Variants in BZW1 observed in about 807,000 individuals in gnomAD.
The protein encoded by BZW1 is basic leucine zipper and W2 domains 1.
Under a neutral mutation model 54.1 loss-of-function variants are expected in BZW1, and 3 were observed. That is an observed-to-expected ratio of 0.06 (90% confidence interval 0.03 to 0.14). The LOEUF (loss-of-function observed/expected upper bound fraction) is 0.14. Ranked by LOEUF, BZW1 falls within the 10% of genes least tolerant of loss-of-function variation. BZW1 has a pLI of 1.00. For synonymous variants in BZW1, 152 were observed against 162.7 expected (o/e 0.93, Z 0.50); for missense variants, 206 against 491.7 (o/e 0.42, Z 5.50).
upstream of BZW1, chr2:200,811,610 G>C (rs1172376027): frequency 1.3e-5 from 2 of 152,148 alleles, no homozygotes; most frequent in Non-Finnish European, 2.9e-5. Flanking sequence ...CCAACTTCGA[G>C]ACCGGCGGGG....
chr2:200,822,133 T>C lies in BZW1; in HGVS notation c.1229-14T>C, dbSNP rs1004642303. The stretch of plus-strand genomic sequence containing the variant: ...TGATACATAATGTTTGACTGTTTTT[T>C]TCCCCTTTTCTAGAATCTGAATCTG... On this transcript the variant is annotated splice_polypyrimidine_tract_variant and intron_variant, in intron 11 of 11. Transcript: ENST00000409600. 5 of 1,601,840 alleles carry C rather than the reference T, an allele frequency of 3.1e-6. No individual in the cohort carries two copies. Among genetic ancestry groups the C allele is most frequent in the Non-Finnish European group, 4.3e-6 (5 of 1,172,910 alleles).
At chr2:200,812,423 G>A in intron 1 of BZW1, 1 of 1,283,782 alleles carries the variant, frequency 7.8e-7, no homozygotes, top group Non-Finnish European at 9.8e-7. Flanking sequence ...CGGGGCGCCT[G>A]GGGCCCCGGC....
chr2:200,824,033 T>G lies in BZW1; in HGVS notation c.*1855T>G, dbSNP rs899978769. 9 of 152,200 alleles carry G rather than the reference T, an allele frequency of 5.9e-5. No homozygotes were observed. Among genetic ancestry groups the G allele is most frequent in the African/African-American group, 2.2e-4 (9 of 41,460 alleles). 9.4% of individuals were successfully genotyped at this position (152,200 alleles called of 1,614,324 possible). A position where few individuals can be genotyped will look rare whatever the true frequency, so the allele number is the denominator to read the frequency against. On this transcript the variant is annotated 3_prime_UTR_variant, in exon 12 of 12. Transcript: ENST00000409600. ...ATTTCTACAACCAATTCATTGCATG[T>G]TTCTTCCATACAAAGTGTGCCATTT...
intron 6 of BZW1, 138 bp from the exon 7 acceptor site, chr2:200,817,836 C>T: frequency 1.7e-6 from 1 of 592,022 alleles, no homozygotes; most frequent in African/African-American, 1.9e-5. Context: ...AAACTGTGGC[C>T]CAGGAAAGTT....
At chr2:200,812,919 T>C in intron 1 of BZW1, 2 of 663,316 alleles carry the variant, frequency 3.0e-6, no homozygotes. Context: ...TGGAGAAAAC[T>C]GAACAATTAG....
At chr2:200,818,972 T>C (rs2881880) in intron 9 of BZW1, 71 bp downstream of exon 9, 1,011,033 of 1,472,278 alleles carry the variant, frequency 0.69, 353,507 homozygotes, top group Non-Finnish European at 0.73. Context: ...TGTGACTATA[T>C]TTTTCTAAGA....
chr2:200,822,089 A>G (rs1433662390), intron 11 of BZW1, 58 bp from the exon 12 acceptor site: 2 of 1,483,178 alleles, frequency 1.3e-6, no homozygotes, highest in Non-Finnish European at 1.9e-6. Context: ...CAAAGTTATA[A>G]ATGGGAACTT....
At chr2:200,813,387 A>T in intron 2 of BZW1, 106 bp downstream of exon 2, 1 of 998,784 alleles carries the variant, frequency 1.0e-6, no homozygotes, top group East Asian at 2.6e-5. Flanking sequence ...AAAAGAAGAT[A>T]CCAGAAAGAA....
In BZW1 at chr2:200,824,953, T is replaced by TA. The variant is rs2038653526; in HGVS notation, c.*2775_*2776insA. On this transcript the variant is annotated 3_prime_UTR_variant, in exon 12 of 12. Coordinates refer to ENST00000409600, the MANE Select transcript of BZW1 (RefSeq NM_001207067.2). ...TCCCAAAGTGCTGGGATTATGGGCTTGAGCCACCGCGCCCAGCTAGACTTT... is the reference window on the plus strand; with the variant it reads ...TCCCAAAGTGCTGGGATTATGGGCTTAGAGCCACCGCGCCCAGCTAGACTTT... The TA allele has an allele frequency of 1.3e-5, 2 of 152,262 alleles. No individual in the cohort carries two copies. The highest frequency in any genetic ancestry group is 1.3e-4 in the Admixed American group (2 of 15,284). The allele number at this position is 152,262 out of a possible 1,614,324, so 9.4% of individuals were successfully genotyped here.
chr2:200,819,224 A>C (rs533996533), intron 9 of BZW1: 34 of 241,382 alleles, frequency 1.4e-4, no homozygotes, highest in African/African-American at 7.5e-4. Context: ...CCTCATCTCT[A>C]CTAAAAATCA....
At position 200,822,365 on chromosome 2, in the gene BZW1, T is replaced by G. The variant is rs2038558906; in HGVS notation, c.*187T>G. The G allele has an allele frequency of 1.9e-6, 1 of 514,390 alleles. No homozygotes were observed. Among genetic ancestry groups the G allele is most frequent in the Admixed American group, 3.9e-5 (1 of 25,806 alleles). The allele number at this position is 514,390 out of a possible 1,614,324, so 31.9% of individuals were successfully genotyped here. A position where few individuals can be genotyped will look rare whatever the true frequency, so the allele number is the denominator to read the frequency against. Reference sequence around the variant, plus strand: ...GTTGGGTTTAGTTTCTAAAACCATGTTTTAAGTAGCTACAGGAGCTATAGA... The same window carrying G: ...GTTGGGTTTAGTTTCTAAAACCATGGTTTAAGTAGCTACAGGAGCTATAGA... On this transcript the variant is annotated 3_prime_UTR_variant, in exon 12 of 12. Transcript: ENST00000409600.
chr2:200,819,114 A>C lies in BZW1; in HGVS notation c.966+213A>C, dbSNP rs1032042923. Reference sequence around the variant, plus strand: ...TTAAAAACAAGAATATGGCCTGGCCAGGCACAATGGCTCACGCCTGTAAAC... The same window carrying C: ...TTAAAAACAAGAATATGGCCTGGCCCGGCACAATGGCTCACGCCTGTAAAC... On this transcript the variant is annotated intron_variant, in intron 9 of 11. Coordinates refer to ENST00000409600, the MANE Select transcript of BZW1 (RefSeq NM_001207067.2). 7.1e-6 allele frequency: 4 copies of C among 566,662 alleles called. No homozygotes were observed. In the African/African-American group the frequency reaches 8.0e-5, roughly 11 times the overall value. The allele number at this position is 566,662 out of a possible 1,614,324, so 35.1% of individuals were successfully genotyped here.
rs888226763 is a variant in BZW1, at chr2:200,825,615, T to C, written c.*3437T>C. ...ACAGACAAAGCATTTCCTGCTGTCT[T>C]TCAAGGTCTTAACAGATTCTTTCTT... On this transcript the variant is annotated 3_prime_UTR_variant, in exon 12 of 12. Transcript: ENST00000409600. 3 of 152,228 alleles carry C rather than the reference T, an allele frequency of 2.0e-5. No individual in the cohort carries two copies. Among genetic ancestry groups the C allele is most frequent in the Non-Finnish European group, 2.9e-5 (2 of 68,048 alleles). The allele number at this position is 152,228 out of a possible 1,614,324, so 9.4% of individuals were successfully genotyped here.
intron 11 of BZW1, 78 bp downstream of exon 11, chr2:200,821,383 C>T: frequency 6.5e-7 from 1 of 1,542,454 alleles, no homozygotes; most frequent in Middle Eastern, 1.7e-4. Context: ...CACATGCTTC[C>T]TTCTTTCTGA....
At chr2:200,815,584 C>T in intron 3 of BZW1, 67 bp downstream of exon 3, 1 of 1,599,502 alleles carries the variant, frequency 6.3e-7, no homozygotes, top group Non-Finnish European at 8.5e-7. Context: ...TATGGAGAGT[C>T]TAGAATATGA....
intron 10 of BZW1, 200 bp downstream of exon 10, chr2:200,820,320 T>C: frequency 2.4e-6 from 1 of 418,114 alleles, no homozygotes; most frequent in South Asian, 3.9e-5. Context: ...CAAGTTGAAG[T>C]ATGAAATCTA....
intron 9 of BZW1, among the ~76,000 whole-genome samples, chr2:200,819,280 C>T (rs2038414868): frequency 6.6e-6 from 1 of 152,094 alleles, no homozygotes; most frequent in Admixed American, 6.5e-5. Flanking sequence ...GTCCCAACTA[C>T]TCAGGAGGCT....
At chr2:200,821,378 GCTTC>G in intron 11 of BZW1, 73 bp downstream of exon 11, 2 of 1,553,160 alleles carry the variant, frequency 1.3e-6, no homozygotes, top group Non-Finnish European at 1.7e-6. Context: ...CTTCACACAT[GCTTC>G]CTTCTTTCTG....
At chr2:200,820,280 T>TA in intron 10 of BZW1, 160 bp downstream of exon 10, 1 of 592,046 alleles carries the variant, frequency 1.7e-6, no homozygotes, top group East Asian at 3.1e-5. Context: ...AGTGCACTGA[T>TA]ACTTGTTTAA....
Sources: gnomAD v4.1 joint callset for allele counts (sites outside exome capture counted in the v4.1 genomes callset) on GRCh38, gnomAD v4.1.1 for gene constraint, MANE v1.5 for transcripts, NCBI Gene and HGNC (gene_info 2026-07-23, HGNC 2026-07-21) for gene names.